Variants in CHN1 observed in about 807,000 individuals in gnomAD.
CHN1 encodes N-chimaerin.
In CHN1, 37 loss-of-function variants were observed where a neutral mutation model predicts 59.5. The ratio of observed to expected loss-of-function variants is 0.62; its 90% confidence interval spans 0.48 to 0.82. The LOEUF is 0.82. CHN1 is among the 40% of genes least tolerant of loss of function. The pLI, the probability that CHN1 is intolerant of heterozygous loss-of-function variation, is 0.00. For synonymous variants in CHN1, 206 were observed against 200.4 expected (o/e 1.03, Z -0.24); for missense variants, 469 against 571.0 (o/e 0.82, Z 1.82).
rs974585807 is a variant in CHN1, at chr2:174,915,340, T to C, written c.147-169A>G. The C allele has an allele frequency of 5.0e-6, 3 of 604,578 alleles. No homozygotes were observed. The African/African-American group carries it at 5.5e-5, about 11-fold the overall frequency. The allele number at this position is 604,578 out of a possible 1,614,324, so 37.5% of individuals were successfully genotyped here. A position where few individuals can be genotyped will look rare whatever the true frequency, so the allele number is the denominator to read the frequency against. On this transcript the variant is annotated intron_variant, in intron 4 of 12. Transcript: ENST00000409900. The stretch of plus-strand genomic sequence containing the variant: ...AACTATGCTTGTGTTTCTCTGGACC[T>C]GGCCCCCAGCCAGCTTCTCTGTGGT...
At chr2:174,912,624 A>G (rs1688735198) in intron 5 of CHN1, among the ~76,000 whole-genome samples, 1 of 152,226 alleles carries the variant, frequency 6.6e-6, no homozygotes, top group Non-Finnish European at 1.5e-5. Flanking sequence ...GTGTATGTTA[A>G]AAACAAATTG....
At position 174,812,572 on chromosome 2, in the gene CHN1, G is replaced by C; in HGVS notation, c.713-90C>G. On this transcript the variant is annotated intron_variant, in intron 8 of 12. Coordinates refer to ENST00000409900, the MANE Select transcript of CHN1 (RefSeq NM_001822.7). Reference sequence around the variant, plus strand: ...GTTAATTTTAGCAAAAGGCACTCCAGCTTGAATTAGGTTTTAAAGTGGACT... The same window carrying C: ...GTTAATTTTAGCAAAAGGCACTCCACCTTGAATTAGGTTTTAAAGTGGACT... The C allele has an allele frequency of 9.8e-6, 12 of 1,224,368 alleles. 1 individual carries two copies. In the South Asian group the frequency reaches 1.5e-4, roughly 15 times the overall value. The allele number at this position is 1,224,368 out of a possible 1,614,324, so 75.8% of individuals were successfully genotyped here.
At chr2:174,868,403 C>T (rs1236596625) in intron 6 of CHN1, among the ~76,000 whole-genome samples, 2 of 152,112 alleles carry the variant, frequency 1.3e-5, no homozygotes, top group African/African-American at 4.8e-5. Flanking sequence ...ATAAACCATG[C>T]AGAGTTCTAA....
At chr2:174,866,946 T>C (rs1260893319) in intron 6 of CHN1, among the ~76,000 whole-genome samples, 21 of 152,096 alleles carry the variant, frequency 1.4e-4, no homozygotes, top group Non-Finnish European at 4.4e-5. Flanking sequence ...TATAAATAAA[T>C]GCTGCTTTTT....
At chr2:174,879,763 A>G (rs1433475897) in intron 5 of CHN1, among the ~76,000 whole-genome samples, 2 of 152,316 alleles carry the variant, frequency 1.3e-5, no homozygotes, top group South Asian at 2.1e-4. Context: ...ACACATTTCA[A>G]TGAGGGCTCA....
chr2:174,971,376 AT>A (rs1450372429), intron 1 of CHN1, among the ~76,000 whole-genome samples: 4 of 152,332 alleles, frequency 2.6e-5, no homozygotes, highest in East Asian at 3.9e-4. Flanking sequence ...TAAGGAGTTT[AT>A]TTTTTAATTG....
At chr2:174,863,632 T>C (rs1004957816) in intron 6 of CHN1, among the ~76,000 whole-genome samples, 7 of 152,212 alleles carry the variant, frequency 4.6e-5, no homozygotes, top group African/African-American at 1.4e-4. Context: ...AAACAAAAGC[T>C]CTTCAAAGTC....
At chr2:174,925,162 C>T (rs147602840) in intron 3 of CHN1, among the ~76,000 whole-genome samples, 1 of 152,252 alleles carries the variant, frequency 6.6e-6, no homozygotes, top group African/African-American at 2.4e-5. Context: ...CCCAAAGAAA[C>T]CTGAAAAACT....
chr2:174,874,238 T>G (rs1027075659), intron 6 of CHN1, among the ~76,000 whole-genome samples: 4 of 152,234 alleles, frequency 2.6e-5, no homozygotes, highest in Admixed American at 2.6e-4. Flanking sequence ...AATACCAAAC[T>G]ATTCAAATAC....
At chr2:174,981,199 T>C (rs544450314) in intron 1 of CHN1, among the ~76,000 whole-genome samples, 7 of 152,340 alleles carry the variant, frequency 4.6e-5, no homozygotes, top group Middle Eastern at 3.4e-3. Flanking sequence ...GGTCTTTGTA[T>C]ATTTATAAAA....
intron 3 of CHN1, among the ~76,000 whole-genome samples, chr2:174,922,059 T>C (rs1218887879): frequency 6.6e-6 from 1 of 152,204 alleles, no homozygotes; most frequent in Non-Finnish European, 1.5e-5. Flanking sequence ...ATAATTTCTC[T>C]GCTTATAAAA....
Position 175,005,134 on chromosome 2 carries a change from C to G in CHN1, c.-222G>C. ...TGTCGGGCGCACCGGGCCCAGGGAG[C>G]CCCGCTAGCTCTCCGCGAGCCGGCA... On this transcript the variant is annotated 5_prime_UTR_variant, in exon 1 of 13. Transcript: ENST00000409900. 1 of 1,305,244 alleles carries G rather than the reference C, an allele frequency of 7.7e-7. No individual in the cohort carries two copies. The highest frequency in any genetic ancestry group is 1.8e-5 in the South Asian group (1 of 55,038). The allele number at this position is 1,305,244 out of a possible 1,614,324, so 80.9% of individuals were successfully genotyped here. A position where few individuals can be genotyped will look rare whatever the true frequency, so the allele number is the denominator to read the frequency against.
At chr2:174,982,576 AC>A (rs1453770930) in intron 1 of CHN1, among the ~76,000 whole-genome samples, 2 of 152,190 alleles carry the variant, frequency 1.3e-5, no homozygotes, top group African/African-American at 4.8e-5. Context: ...TTAACATAAA[AC>A]ATTTAATTTA....
intron 8 of CHN1, among the ~76,000 whole-genome samples, chr2:174,818,601 T>C (rs1054087470): frequency 1.3e-5 from 2 of 152,042 alleles, no homozygotes; most frequent in Non-Finnish European, 2.9e-5. Flanking sequence ...CTTGGTTTGG[T>C]AGGTTATTTT....
chr2:174,802,147 A>G, intron 11 of CHN1: 1 of 268,224 alleles, frequency 3.7e-6, no homozygotes, highest in South Asian at 4.4e-5. Context: ...CGACACAGAT[A>G]AAAACTTATA....
At chr2:174,856,795 A>G (rs1686912833) in intron 6 of CHN1, among the ~76,000 whole-genome samples, 1 of 152,168 alleles carries the variant, frequency 6.6e-6, no homozygotes, top group Non-Finnish European at 1.5e-5. Flanking sequence ...GAAAAGGTTC[A>G]TACTCATTTA....
chr2:174,907,570 A>C (rs985175887), intron 5 of CHN1, among the ~76,000 whole-genome samples: 1 of 151,282 alleles, frequency 6.6e-6, no homozygotes, highest in African/African-American at 2.4e-5. Context: ...CAACATTGCA[A>C]CTAATGTCTT....
intron 3 of CHN1, among the ~76,000 whole-genome samples, chr2:174,920,712 TC>T (rs993625379): frequency 6.6e-6 from 1 of 152,196 alleles, no homozygotes; most frequent in African/African-American, 2.4e-5. Context: ...ATAGCGGTGA[TC>T]CCCAACATTT....
At chr2:174,933,485 GA>G (rs374742778) in intron 3 of CHN1, among the ~76,000 whole-genome samples, 5 of 147,962 alleles carry the variant, frequency 3.4e-5, no homozygotes, top group African/African-American at 9.9e-5. Flanking sequence ...ATGATGAGAG[GA>G]AAAAAAAAAC....
Sources: allele counts gnomAD v4.1 joint callset (sites outside exome capture counted in the v4.1 genomes callset), GRCh38; gene constraint gnomAD v4.1.1; transcripts MANE v1.5; gene names NCBI Gene and HGNC (gene_info 2026-07-23, HGNC 2026-07-21).